GALNT16: variants seen among roughly 807,000 people sequenced by gnomAD.
GALNT16 encodes polypeptide N-acetylgalactosaminyltransferase 16.
GALNT16 carries 40 observed loss-of-function variants against 76.1 expected under a neutral mutation model. The observed-to-expected ratio is 0.53, with a 90% CI of 0.41 to 0.68. GALNT16 has a LOEUF of 0.68. GALNT16 is among the 30% of genes least tolerant of loss of function. The pLI is 0.00. For synonymous variants in GALNT16, 276 were observed against 285.2 expected (o/e 0.97, Z 0.32); for missense variants, 621 against 731.9 (o/e 0.85, Z 1.75).
At chr14:69,318,812 A>G (rs752088809) in intron 1 of GALNT16, among the ~76,000 whole-genome samples, 3 of 152,166 alleles carry the variant, frequency 2.0e-5, no homozygotes, top group Non-Finnish European at 4.4e-5. Flanking sequence ...GCTCCGTTCC[A>G]TTTCCCTGAC....
the GALNT16 span, among the ~76,000 whole-genome samples, chr14:69,368,019 A>G: frequency 6.6e-6 from 1 of 152,098 alleles, no homozygotes; most frequent in Non-Finnish European, 1.5e-5. Context: ...AGAAAAAGAA[A>G]AGAGAAAGAA....
downstream of GALNT16, chr14:69,356,912 G>A (rs2045697933): frequency 6.6e-6 from 1 of 152,166 alleles, no homozygotes; most frequent in Non-Finnish European, 1.5e-5. Flanking sequence ...CCTGTTAAAT[G>A]GGGTACTCAT....
the GALNT16 span, among the ~76,000 whole-genome samples, chr14:69,385,652 A>G: frequency 4.7e-5 from 3 of 63,534 alleles, no homozygotes; most frequent in African/African-American, 6.8e-5. Context: ...AAAAAAAAGG[A>G]AAAAAAAAAA....
intron 1 of GALNT16, among the ~76,000 whole-genome samples, chr14:69,299,466 G>A (rs945173990): frequency 1.3e-5 from 2 of 152,224 alleles, no homozygotes; most frequent in Non-Finnish European, 2.9e-5. Context: ...CTGTGATGGT[G>A]TTGCAGCAAA....
At chr14:69,283,473 C>T (rs111523417) in intron 1 of GALNT16, among the ~76,000 whole-genome samples, 3,675 of 152,270 alleles carry the variant, frequency 0.024, 138 homozygotes, top group African/African-American at 0.084. Context: ...CTACCAGGGT[C>T]ACACTTGGCC....
At chr14:69,372,976 A>G in the GALNT16 span, among the ~76,000 whole-genome samples, 1 of 152,160 alleles carries the variant, frequency 6.6e-6, no homozygotes, top group Non-Finnish European at 1.5e-5. Context: ...CTGGAGTTGC[A>G]TTGTAGGTGG....
chr14:69,269,983 G>C (rs2044387562), intron 1 of GALNT16, among the ~76,000 whole-genome samples: 1 of 151,958 alleles, frequency 6.6e-6, no homozygotes, highest in Non-Finnish European at 1.5e-5. Context: ...TTTTGTGTGG[G>C]ATGGAGAATT....
At chr14:69,339,690 G>A (rs10137211) in intron 11 of GALNT16, 71 bp downstream of exon 11, 47 of 963,026 alleles carry the variant, frequency 4.9e-5, no homozygotes, top group Non-Finnish European at 1.6e-6. Context: ...AATACGAAGT[G>A]GTATGTACGC....
At chr14:69,311,071 TG>T (rs1384736263) in intron 1 of GALNT16, among the ~76,000 whole-genome samples, 1 of 152,224 alleles carries the variant, frequency 6.6e-6, no homozygotes, top group African/African-American at 2.4e-5. Context: ...GCAGTGGTCC[TG>T]TCTTTGTGCT....
chr14:69,347,799 TG>T (rs2045585821), intron 13 of GALNT16, 77 bp from the exon 14 acceptor site: 4 of 1,490,228 alleles, frequency 2.7e-6, no homozygotes, highest in Non-Finnish European at 3.7e-6. Flanking sequence ...GCCGTGTTTT[TG>T]CTTTATCCCC....
chr14:69,367,987 T>C, the GALNT16 span, among the ~76,000 whole-genome samples: 1 of 151,718 alleles, frequency 6.6e-6, no homozygotes, highest in Non-Finnish European at 1.5e-5. Context: ...CGGGATCCAA[T>C]CTCTAAATAA....
At chr14:69,274,192 C>A (rs900060769) in intron 1 of GALNT16, among the ~76,000 whole-genome samples, 2 of 152,162 alleles carry the variant, frequency 1.3e-5, no homozygotes, top group African/African-American at 4.8e-5. Flanking sequence ...GGTTAATTCA[C>A]ATCAAGAGTT....
intron 3 of GALNT16, 48 bp downstream of exon 3, chr14:69,324,838 G>A (rs1163708160): frequency 1.8e-5 from 23 of 1,303,716 alleles, no homozygotes; most frequent in Non-Finnish European, 2.4e-5. Flanking sequence ...GGCAGGGGAG[G>A]ACATTGGGAT....
At chr14:69,265,200 G>C in intron 1 of GALNT16, among the ~76,000 whole-genome samples, 1 of 152,144 alleles carries the variant, frequency 6.6e-6, no homozygotes, top group East Asian at 1.9e-4. Context: ...TGGGACATGG[G>C]GTCAGCCCAG....
At position 69,324,719 on chromosome 14, in the gene GALNT16, C is replaced by A. The variant is rs375288963; in HGVS notation, c.363C>A (p.Asp121Glu). ...YSCPSVSYSS[D>E]LPATSVIITF... ...GCCCATCTGTGTCCTACTCCTCGGA[C>A]CTGCCAGCCACCAGCGTCATCATCA... The change falls in exon 3 of 15, where the codon GAC becomes GAA. Residue 121 changes from aspartate (D) to glutamate (E), a missense_variant. By Grantham distance (45) the Asp-to-Glu change is conservative (BLOSUM62 2). Coordinates refer to ENST00000448469, the MANE Select transcript of GALNT16 (RefSeq NM_001168368.2). The A allele has an allele frequency of 1.9e-6, 3 of 1,612,634 alleles. No homozygotes were observed. Among genetic ancestry groups the A allele is most frequent in the African/African-American group, 2.7e-5 (2 of 75,012 alleles).
At chr14:69,271,362 G>A (rs7493080) in intron 1 of GALNT16, among the ~76,000 whole-genome samples, 53,466 of 152,038 alleles carry the variant, frequency 0.35, 10,904 homozygotes, top group East Asian at 0.89. Context: ...GCAAAGCTGA[G>A]GGCAGGCCAA....
At chr14:69,362,690 A>T in the GALNT16 span, among the ~76,000 whole-genome samples, 3 of 152,250 alleles carry the variant, frequency 2.0e-5, no homozygotes, top group African/African-American at 7.2e-5. Flanking sequence ...AATGTCTGTC[A>T]TCAGGTCTTG....
chr14:69,291,117 C>G lies in GALNT16; in HGVS notation c.178-29594C>G, dbSNP rs568532188. Among the ~76,000 whole-genome samples the G allele has an allele frequency of 2.6e-4, 39 of 152,182 alleles. 1 individual carries two copies. The highest frequency in any genetic ancestry group is 1.7e-3 in the South Asian group (8 of 4,818). ...ACCAGCCTGGGCAACATAGTAAAAC[C>G]CTGTTTCTACGACAAATTTTAAAAA... On this transcript the variant is annotated intron_variant, in intron 1 of 14. Transcript: ENST00000448469.
the GALNT16 span, among the ~76,000 whole-genome samples, chr14:69,366,142 G>GA: frequency 6.6e-6 from 1 of 152,228 alleles, no homozygotes; most frequent in Non-Finnish European, 1.5e-5. Flanking sequence ...TCTGGGCAGA[G>GA]AAAGTAGTGA....
Sources: gnomAD v4.1 joint callset for allele counts (sites outside exome capture counted in the v4.1 genomes callset) on GRCh38, gnomAD v4.1.1 for gene constraint, MANE v1.5 for transcripts, NCBI Gene and HGNC (gene_info 2026-07-23, HGNC 2026-07-21) for gene names.